Variants in MYO1E observed in about 807,000 individuals in gnomAD.
The protein encoded by MYO1E is unconventional myosin-Ie.
Under a neutral mutation model 151.1 loss-of-function variants are expected in MYO1E, and 68 were observed. The ratio of observed to expected loss-of-function variants is 0.45; its 90% CI spans 0.37 to 0.55. The LOEUF is 0.55. Ranked by LOEUF, MYO1E falls within the 20% of genes least tolerant of loss-of-function variation. The probability of loss-of-function intolerance (pLI) is 0.00; values close to 1 mark genes in which losing one functional copy is unlikely to be tolerated. For synonymous variants in MYO1E, 601 were observed against 501.7 expected (o/e 1.20, Z -2.64); for missense variants, 1,363 against 1,389.3 (o/e 0.98, Z 0.30).
At chr15:59,171,352 C>A in intron 22 of MYO1E, 3 of 167,362 alleles carry the variant, frequency 1.8e-5, no homozygotes, top group Non-Finnish European at 3.9e-5. Context: ...AGGGCCCTTC[C>A]TGAGGCCTTG....
At chr15:59,201,919 A>G (rs183035116) in intron 16 of MYO1E, among the ~76,000 whole-genome samples, 57 of 152,312 alleles carry the variant, frequency 3.7e-4, no homozygotes, top group African/African-American at 1.3e-3. Flanking sequence ...AAGACCAAGT[A>G]GAATTTCTGG....
chr15:59,142,975 A>G (rs1317312717), intron 26 of MYO1E, among the ~76,000 whole-genome samples: 1 of 151,068 alleles, frequency 6.6e-6, no homozygotes, highest in African/African-American at 2.4e-5. Context: ...AGAGATCGTA[A>G]GTCTCATGGA....
chr15:59,183,037 G>A (rs1197488961), intron 18 of MYO1E, among the ~76,000 whole-genome samples: 1 of 152,194 alleles, frequency 6.6e-6, no homozygotes, highest in South Asian at 2.1e-4. Flanking sequence ...TGATCTGACA[G>A]GAGGTGGGGC....
chr15:59,210,195 A>G lies in MYO1E; in HGVS notation c.1362+319T>C, dbSNP rs74630311. On this transcript the variant is annotated intron_variant, in intron 13 of 27. Coordinates refer to ENST00000288235, the MANE Select transcript of MYO1E (RefSeq NM_004998.4). ...AATCAGTCATTAAGGCTAAAGTCCTAGAAGTTGGACTAGAACACAGGGCCA... is the reference window on the plus strand; with the variant it reads ...AATCAGTCATTAAGGCTAAAGTCCTGGAAGTTGGACTAGAACACAGGGCCA... Among the ~76,000 whole-genome samples, 817 of 152,256 alleles carry G rather than the reference A, an allele frequency of 5.4e-3. 13 individuals are homozygous for G. Among genetic ancestry groups the G allele is most frequent in the African/African-American group, 0.018 (763 of 41,542 alleles).
chr15:59,291,783 C>A (rs1365634572), intron 1 of MYO1E, among the ~76,000 whole-genome samples: 1 of 124,762 alleles, frequency 8.0e-6, no homozygotes, highest in Non-Finnish European at 1.7e-5. Context: ...AGATAAAAAG[C>A]AAATGATTTA....
intron 14 of MYO1E, chr15:59,207,126 T>C (rs2079841709): frequency 3.1e-6 from 5 of 1,614,230 alleles, no homozygotes; most frequent in Non-Finnish European, 4.2e-6. Context: ...AGCGTTTCAC[T>C]TCCGAGAAGC....
chr15:59,284,922 A>C (rs1237207761), intron 1 of MYO1E, among the ~76,000 whole-genome samples: 3 of 152,170 alleles, frequency 2.0e-5, no homozygotes, highest in Non-Finnish European at 2.9e-5. Context: ...TTCTGCTCTG[A>C]TTATATTTTA....
intron 11 of MYO1E, 38 bp downstream of exon 11, chr15:59,214,602 C>A: frequency 1.3e-6 from 2 of 1,498,512 alleles, no homozygotes. Context: ...TGAAATACGT[C>A]ACCCTCCTCA....
At chr15:59,341,877 C>T (rs1193906996) in intron 1 of MYO1E, among the ~76,000 whole-genome samples, 13 of 152,188 alleles carry the variant, frequency 8.5e-5, no homozygotes, top group African/African-American at 2.9e-4. Context: ...TTAAGGTATA[C>T]ACCTACCAAT....
chr15:59,178,282 C>G, intron 19 of MYO1E, 111 bp downstream of exon 19: 1 of 1,378,140 alleles, frequency 7.3e-7, no homozygotes, highest in Non-Finnish European at 1.0e-6. Flanking sequence ...GAGGAGACAA[C>G]ATTGATGGCA....
At chr15:59,370,447 T>G (rs909980146) in intron 1 of MYO1E, among the ~76,000 whole-genome samples, 1 of 152,344 alleles carries the variant, frequency 6.6e-6, no homozygotes, top group East Asian at 1.9e-4. Flanking sequence ...CATCTCCTGT[T>G]TCAGGACAGC....
intron 4 of MYO1E, among the ~76,000 whole-genome samples, chr15:59,238,383 T>C (rs2080079445): frequency 6.6e-6 from 1 of 152,218 alleles, no homozygotes; most frequent in African/African-American, 2.4e-5. Flanking sequence ...CCCAATATAA[T>C]ACTGCACAGG....
chr15:59,207,918 T>A (rs61753957), intron 14 of MYO1E: 105 of 1,613,956 alleles, frequency 6.5e-5, no homozygotes, highest in Non-Finnish European at 8.6e-5. Flanking sequence ...CCACCATAAT[T>A]AAGGGCCTCT....
At chr15:59,346,924 GAAA>G (rs11295137) in intron 1 of MYO1E, among the ~76,000 whole-genome samples, 1,871 of 131,300 alleles carry the variant, frequency 0.014, 36 homozygotes, top group African/African-American at 0.047. Flanking sequence ...CTCCCAAAAA[GAAA>G]AAAAAAAAAA....
rs1373153644 is a variant in MYO1E, at chr15:59,289,077, A to G, written c.4-16628T>C. 2.0e-5 allele frequency among the ~76,000 whole-genome samples: 3 copies of G among 152,178 alleles called. No homozygotes were observed. In the East Asian group the frequency reaches 5.8e-4, roughly 29 times the overall value. On this transcript the variant is annotated intron_variant, in intron 1 of 27. Transcript: ENST00000288235. ...GCAGTGCAAAACTTTTACTTTACAG[A>G]TGAGGGACCTGAGGGCCAGAGAGGT...
chr15:59,267,846 C>G (rs1229775013), intron 2 of MYO1E, among the ~76,000 whole-genome samples: 1 of 152,148 alleles, frequency 6.6e-6, no homozygotes, highest in Non-Finnish European at 1.5e-5. Flanking sequence ...AAACAGATGG[C>G]AAATTAAACC....
chr15:59,193,939 G>A (rs773375368), intron 17 of MYO1E, among the ~76,000 whole-genome samples: 2 of 152,208 alleles, frequency 1.3e-5, no homozygotes, highest in Non-Finnish European at 2.9e-5. Context: ...CACTTTGGGA[G>A]GCCGAGGCAG....
At chr15:59,318,433 G>A (rs1174533063) in intron 1 of MYO1E, among the ~76,000 whole-genome samples, 4 of 152,170 alleles carry the variant, frequency 2.6e-5, no homozygotes, top group Non-Finnish European at 5.9e-5. Context: ...ACTAGGTAGT[G>A]GTTTTTATAA....
intron 4 of MYO1E, among the ~76,000 whole-genome samples, chr15:59,242,085 G>T (rs2080103057): frequency 6.6e-6 from 1 of 152,182 alleles, no homozygotes; most frequent in Admixed American, 6.5e-5. Flanking sequence ...GTTCTGGCCT[G>T]TGCCATTTCG....
Sources: gnomAD v4.1 joint callset for allele counts (sites outside exome capture counted in the v4.1 genomes callset) on GRCh38, gnomAD v4.1.1 for gene constraint, MANE v1.5 for transcripts, NCBI Gene and HGNC (gene_info 2026-07-23, HGNC 2026-07-21) for gene names.